The following PRRC2A variants were observed in gnomAD, a reference collection of about 807,000 sequenced individuals.
PRRC2A encodes the protein protein PRRC2A.
PRRC2A carries 59 observed loss-of-function variants against 224.6 expected under a neutral mutation model. That is an observed-to-expected ratio of 0.26 (90% CI 0.21 to 0.33). The LOEUF (loss-of-function observed/expected upper bound fraction) is 0.33, where lower values mean the gene tolerates loss of function less well. Among genes scored for constraint, PRRC2A ranks in the 10% least tolerant of loss-of-function variants. The pLI is 1.00. For synonymous variants in PRRC2A, 1,194 were observed against 1,109.5 expected (o/e 1.08, Z -1.51); for missense variants, 3,095 against 2,880.7 (o/e 1.07, Z -1.70).
intron 16 of PRRC2A, 79 bp downstream of exon 16, chr6:31,633,071 G>C: frequency 7.0e-7 from 1 of 1,431,806 alleles, no homozygotes; most frequent in African/African-American, 1.4e-5. Context: ...ATAAGTTTGG[G>C]TGGAGTGGAG....
At chr6:31,621,471 C>A (rs1245130899) in intron 1 of PRRC2A, among the ~76,000 whole-genome samples, 1 of 151,998 alleles carries the variant, frequency 6.6e-6, no homozygotes, top group Non-Finnish European at 1.5e-5. Context: ...TGCCCCCTTA[C>A]TTCGTTGTCT....
chr6:31,635,579 C>T lies in PRRC2A; in HGVS notation c.5374-3C>T. 1 of 1,610,410 alleles carries T rather than the reference C, an allele frequency of 6.2e-7. No individual in the cohort carries two copies. Among genetic ancestry groups the T allele is most frequent in the Non-Finnish European group, 8.5e-7 (1 of 1,178,222 alleles). ...CCCTCTCCACGAGGCCTCTCCTTCC[C>T]AGGCCATTCCTGTATCACGAGACTG... On this transcript the variant is annotated splice_region_variant and splice_polypyrimidine_tract_variant and intron_variant, in intron 23 of 30. Transcript: ENST00000376033.
In PRRC2A at chr6:31,636,493, TCC is replaced by T. The variant is rs758930473; in HGVS notation, c.5836-15_5836-14del. 1 of 1,608,902 alleles carries T rather than the reference TCC, an allele frequency of 6.2e-7. No homozygotes were observed. The stretch of plus-strand genomic sequence containing the variant: ...GATTTTGTGGGGGTTGATATATTTC[TCC>T]CTGTTTCCCGACAGGTACGCCAGGA... On this transcript the variant is annotated splice_polypyrimidine_tract_variant and intron_variant, in intron 26 of 30. Coordinates refer to ENST00000376033, the MANE Select transcript of PRRC2A (RefSeq NM_004638.4). The surrounding 1 kb of genome is among the most constrained non-coding windows in gnomAD (Gnocchi z 4.3).
chr6:31,620,939 C>T (rs1207218812), intron 1 of PRRC2A, 81 bp downstream of exon 1: 7 of 157,228 alleles, frequency 4.5e-5, no homozygotes, highest in Non-Finnish European at 9.8e-5. Flanking sequence ...GCGGCGGCGG[C>T]GGTGGTGGGC....
Position 31,625,781 on chromosome 6 carries a change from C to T in PRRC2A, c.760-11C>T. On this transcript the variant is annotated splice_polypyrimidine_tract_variant and intron_variant, in intron 7 of 30. Transcript: ENST00000376033. The surrounding 1 kb of genome is among the most constrained non-coding windows in gnomAD (Gnocchi z 4.1). ...GTCCCTCTGAGCAGCTACTGTTGGA[C>T]CCTTTTACAGATGTATCCCCCATAT... 1.1e-5 allele frequency: 18 copies of T among 1,568,626 alleles called. No homozygotes were observed. Among genetic ancestry groups the T allele is most frequent in the Non-Finnish European group, 1.4e-5 (16 of 1,138,976 alleles).
In PRRC2A at chr6:31,631,032, C is replaced by A; in HGVS notation, c.2466-107C>A. 1 of 1,316,878 alleles carries A rather than the reference C, an allele frequency of 7.6e-7. No homozygotes were observed. Among genetic ancestry groups the A allele is most frequent in the Non-Finnish European group, 1.0e-6 (1 of 963,390 alleles). The allele number at this position is 1,316,878 out of a possible 1,614,324, so 81.6% of individuals were successfully genotyped here. A position where few individuals can be genotyped will look rare whatever the true frequency, so the allele number is the denominator to read the frequency against. On this transcript the variant is annotated intron_variant, in intron 15 of 30. Transcript: ENST00000376033. This position sits in a 1 kb window ranked among gnomAD's most constrained non-coding sequence, Gnocchi z 4.5. ...TGGATGCCATCTCTGCCAAAACAAA[C>A]AGAAAAATAGTAAAAGAGAGTCTGC...
chr6:31,630,298 C>G (rs1279166504), intron 14 of PRRC2A, among the ~76,000 whole-genome samples: 1 of 150,466 alleles, frequency 6.6e-6, no homozygotes, highest in Non-Finnish European at 1.5e-5. Flanking sequence ...GCTTAGGCAA[C>G]GAGCGAAACT....
intron 5 of PRRC2A, chr6:31,624,795 G>T: frequency 1.8e-6 from 1 of 555,472 alleles, no homozygotes; most frequent in Non-Finnish European, 3.2e-6. Flanking sequence ...ACCTGTCAGA[G>T]CCTTCCACTT....
chr6:31,632,383 G>A lies in PRRC2A; in HGVS notation c.3710G>A (p.Gly1237Glu), dbSNP rs1467002588. 1.2e-6 allele frequency: 2 copies of A among 1,612,030 alleles called. No individual in the cohort carries two copies. The highest frequency in any genetic ancestry group is 1.7e-6 in the Non-Finnish European group (2 of 1,179,146). ...GGTAGCAATGTGGGCATGGAAGATG[G>A]GGAGCGACCCCGAAGGAGGCGACAT... Reference protein sequence around the residue: ...NGGSNVGMEDGERPRRRRHGR... With the variant: ...NGGSNVGMEDEERPRRRRHGR... The change falls in exon 16 of 31, where the codon GGG becomes GAG. Residue 1237 changes from glycine to glutamate, a missense_variant. Transcript: ENST00000376033.
intron 14 of PRRC2A, among the ~76,000 whole-genome samples, chr6:31,630,383 C>T (rs1253311780): frequency 6.6e-6 from 1 of 152,226 alleles, no homozygotes; most frequent in African/African-American, 2.4e-5. Flanking sequence ...AAGCAGTGGT[C>T]CTTCATTTGC....
chr6:31,635,536 G>T (rs377583623), intron 23 of PRRC2A, 46 bp from the exon 24 acceptor site: 1 of 1,610,612 alleles, frequency 6.2e-7, no homozygotes, highest in African/African-American at 1.3e-5. Flanking sequence ...TGACCAGGGC[G>T]TCCAGGATGC....
chr6:31,633,013 T>A (rs1295485501), intron 16 of PRRC2A, 21 bp downstream of exon 16: 7 of 1,492,670 alleles, frequency 4.7e-6, no homozygotes, highest in Non-Finnish European at 4.5e-6. Flanking sequence ...ACAAACAAAT[T>A]TATTGTGGTT....
chr6:31,633,880 G>A lies in PRRC2A; in HGVS notation c.4610G>A (p.Gly1537Glu), dbSNP rs750401450. 70 of 1,580,412 alleles carry A rather than the reference G, an allele frequency of 4.4e-5. No homozygotes were observed. Among genetic ancestry groups the A allele is most frequent in the Non-Finnish European group, 5.9e-5 (69 of 1,171,756 alleles). Reference sequence around the variant, plus strand: ...CCAGACCCCCACTTTGAGGAGCCGGGGCCAATGGTGAGAGGGGTGGGTGGG... The same window carrying A: ...CCAGACCCCCACTTTGAGGAGCCGGAGCCAATGGTGAGAGGGGTGGGTGGG... Reference protein sequence around the residue: ...LSSDPHFEEPGPMVRGVGGTP... With the variant: ...LSSDPHFEEPEPMVRGVGGTP... Residue 1537 changes from glycine (G) to glutamate (E), a missense_variant, in exon 18 of 31, where the codon GGG (glycine) becomes GAG (glutamate). Around this residue, in one of 8 missense-constraint regions of PRRC2A, gnomAD observed 2,001 missense variants for 1,764.9 expected, o/e 1.13. Transcript: ENST00000376033.
At chr6:31,623,449 TAG>T (rs1404154882) in intron 2 of PRRC2A, among the ~76,000 whole-genome samples, 1 of 151,998 alleles carries the variant, frequency 6.6e-6, no homozygotes, top group East Asian at 1.9e-4. Flanking sequence ...GTGTTTTTAG[TAG>T]AGACAGGGTT....
Position 31,634,961 on chromosome 6 carries a change from A to G in PRRC2A, c.5144A>G (p.His1715Arg), listed in dbSNP as rs760957347. ...CCTAGGAGACCACCACCTGCCCCCC[A>G]CGATGGGGACAGAAAGGTAAAAGAC... Reference protein sequence around the residue: ...EPPRRPPPAPHDGDRKELPRE... With the variant: ...EPPRRPPPAPRDGDRKELPRE... The change falls in exon 21 of 31, where the codon CAC becomes CGC. Residue 1715 changes from histidine to arginine, a missense_variant. Physicochemically the swap from His to Arg is conservative, Grantham distance 29. Transcript: ENST00000376033. The G allele has an allele frequency of 4.3e-6, 7 of 1,612,632 alleles. No homozygotes were observed. In the African/African-American group the frequency reaches 9.3e-5, roughly 21 times the overall value.
rs1776635577 is a variant in PRRC2A at position 31,631,876 on chromosome 6, G to A, written c.3203G>A (p.Gly1068Asp). ...TTTCGAGGAGATGATGGGCGTGGAG[G>A]TGGGACAGGGGGACCAAACCACCCT... ...REFRGDDGRGGGTGGPNHPPA... is the reference protein window; with the variant it reads ...REFRGDDGRGDGTGGPNHPPA... Residue 1068 changes from glycine (G) to aspartate (D), a missense_variant, in exon 16 of 31, where the codon GGT (glycine) becomes GAT (aspartate). Gly to Asp is a moderately conservative substitution (Grantham distance 94, BLOSUM62 -1). Coordinates refer to ENST00000376033, the MANE Select transcript of PRRC2A (RefSeq NM_004638.4). This position sits in a 1 kb window ranked among gnomAD's most constrained non-coding sequence, Gnocchi z 4.5. 1 of 1,610,708 alleles carries A rather than the reference G, an allele frequency of 6.2e-7. No individual in the cohort carries two copies. The highest frequency in any genetic ancestry group is 8.5e-7 in the Non-Finnish European group (1 of 1,179,086).
chr6:31,635,754 G>GC lies in PRRC2A; in HGVS notation c.5541+9dup. ...GCTGGGCCTTCCAGTTCTCAGGTAGGCCCCGCTTCCCATTGCATGACCCCT... is the reference window on the plus strand; with the variant it reads ...GCTGGGCCTTCCAGTTCTCAGGTAGGCCCCCGCTTCCCATTGCATGACCCCT... On this transcript the variant is annotated splice_donor_region_variant and intron_variant, in intron 24 of 30. Transcript: ENST00000376033. The GC allele has an allele frequency of 6.4e-7, 1 of 1,573,344 alleles. No homozygotes were observed. Among genetic ancestry groups the GC allele is most frequent in the Non-Finnish European group, 8.6e-7 (1 of 1,161,558 alleles).
intron 21 of PRRC2A, 68 bp from the exon 22 acceptor site, chr6:31,635,064 G>T (rs1777161984): frequency 6.2e-7 from 1 of 1,601,298 alleles, no homozygotes; most frequent in African/African-American, 1.3e-5. Flanking sequence ...CTGCGTGTGT[G>T]TTCTGGGCAT....
Position 31,630,799 on chromosome 6 carries a change from G to A in PRRC2A, c.2463G>A (p.Met821Ile). Reference sequence around the variant, plus strand: ...CTGCGGATGAGGATGACAAGGGGATGAGGTGAGTCTTGGTCATGAGAAATG... The same window carrying A: ...CTGCGGATGAGGATGACAAGGGGATAAGGTGAGTCTTGGTCATGAGAAATG... ...RQAADEDDKG[M>I]RSETPPVPPP... The change falls in exon 15 of 31, where the codon ATG becomes ATA. Residue 821 changes from methionine (M) to isoleucine (I), a missense_variant and splice_region_variant. By Grantham distance (10) the Met-to-Ile change is conservative. Coordinates refer to ENST00000376033, the MANE Select transcript of PRRC2A (RefSeq NM_004638.4). The A allele has an allele frequency of 6.2e-7, 1 of 1,613,996 alleles. No individual in the cohort carries two copies. Among genetic ancestry groups the A allele is most frequent in the Non-Finnish European group, 8.5e-7 (1 of 1,179,946 alleles).
Sources: allele counts gnomAD v4.1 joint callset (sites outside exome capture counted in the v4.1 genomes callset), GRCh38; gene constraint gnomAD v4.1.1; regional missense constraint gnomAD v4.1.1; non-coding constraint Gnocchi (gnomAD v3.1); transcripts MANE v1.5; gene names NCBI Gene and HGNC (gene_info 2026-07-23, HGNC 2026-07-21).